Variants in TBC1D7 observed in about 807,000 individuals in gnomAD.
TBC1D7 encodes the protein TBC1 domain family member 7.
Under a neutral mutation model 35.3 loss-of-function variants are expected in TBC1D7, and 33 were observed. The ratio of observed to expected loss-of-function variants is 0.93; its 90% CI spans 0.71 to 1.25. The LOEUF is 1.25. TBC1D7 is among the 50% of genes most tolerant of loss of function. TBC1D7 has a pLI of 0.00. For missense variants in TBC1D7, 362 were observed against 365.3 expected (o/e 0.99, Z 0.07); for synonymous variants, 135 against 129.5 (o/e 1.04, Z -0.29).
Position 13,305,079 on chromosome 6 carries a change from G to T in TBC1D7, c.*22C>A, listed in dbSNP as rs368177179. 1 of 1,576,956 alleles carries T rather than the reference G, an allele frequency of 6.3e-7. No individual in the cohort carries two copies. The highest frequency in any genetic ancestry group is 1.8e-5 in the Admixed American group (1 of 55,648). On this transcript the variant is annotated 3_prime_UTR_variant, in exon 8 of 8. Transcript: ENST00000379300. ...ATGCTCACTGTGGTGCCTGGCAGAC[G>T]GTCCACAACCAGCGGGTGCGTTCAG...
At chr6:13,326,096 T>A (rs1784387266) in intron 2 of TBC1D7, among the ~76,000 whole-genome samples, 1 of 152,204 alleles carries the variant, frequency 6.6e-6, no homozygotes, top group African/African-American at 2.4e-5. Context: ...TTTACTTTAG[T>A]CAACAACAGA....
At chr6:13,315,922 G>C (rs542326695) in intron 5 of TBC1D7, among the ~76,000 whole-genome samples, 1 of 152,202 alleles carries the variant, frequency 6.6e-6, no homozygotes, top group Non-Finnish European at 1.5e-5. Context: ...TACATGCAGA[G>C]GGAAAGCCTA....
intron 5 of TBC1D7, among the ~76,000 whole-genome samples, chr6:13,310,533 G>A (rs1354809148): frequency 5.3e-5 from 8 of 151,856 alleles, no homozygotes; most frequent in Non-Finnish European, 1.5e-5. Flanking sequence ...AGCTACTTGG[G>A]AGGCTGAGGC....
chr6:13,322,046 G>C (rs1278167007), intron 3 of TBC1D7, among the ~76,000 whole-genome samples: 1 of 152,148 alleles, frequency 6.6e-6, no homozygotes, highest in Non-Finnish European at 1.5e-5. Context: ...AGACCAGCCT[G>C]GGCAACTGGG....
chr6:13,307,169 A>AGTC, intron 6 of TBC1D7: 1 of 170,834 alleles, frequency 5.9e-6, no homozygotes, highest in Admixed American at 5.6e-5. Context: ...TACATCACAA[A>AGTC]GTCTTAATGG....
chr6:13,307,869 G>A lies in TBC1D7; in HGVS notation c.520-124C>T, dbSNP rs1562156923. 2.9e-6 allele frequency: 3 copies of A among 1,042,916 alleles called. No homozygotes were observed. In the South Asian group the frequency reaches 4.9e-5, roughly 17 times the overall value. 64.6% of individuals were successfully genotyped at this position (1,042,916 alleles called of 1,614,324 possible). On this transcript the variant is annotated intron_variant, in intron 5 of 7. Transcript: ENST00000379300. Reference sequence around the variant, plus strand: ...GGAAGTATTAGAAAACAAAACTTCAGAATTATCCAAGTCACTTGTGACACA... The same window carrying A: ...GGAAGTATTAGAAAACAAAACTTCAAAATTATCCAAGTCACTTGTGACACA...
chr6:13,325,178 G>C lies in TBC1D7; in HGVS notation c.113-4C>G. ...AAAGTACAAAGTTTCTCAGTATCTA[G>C]AGGAAGAAGAAAACAATTGTTAGAA... On this transcript the variant is annotated splice_polypyrimidine_tract_variant and splice_region_variant and intron_variant, in intron 2 of 7. Coordinates refer to ENST00000379300, the MANE Select transcript of TBC1D7 (RefSeq NM_016495.6). 1 of 1,607,536 alleles carries C rather than the reference G, an allele frequency of 6.2e-7. No individual in the cohort carries two copies. The highest frequency in any genetic ancestry group is 8.5e-7 in the Non-Finnish European group (1 of 1,174,742).
At chr6:13,320,260 GA>G (rs1783934778) in intron 4 of TBC1D7, 1 of 156,784 alleles carries the variant, frequency 6.4e-6, no homozygotes, top group African/African-American at 2.4e-5. Context: ...TTGACCGTTT[GA>G]TTATTTGTGA....
intron 4 of TBC1D7, chr6:13,320,425 T>A (rs1783948072): frequency 3.0e-6 from 1 of 330,016 alleles, no homozygotes; most frequent in Admixed American, 4.7e-5. Flanking sequence ...TAATAGGGAA[T>A]CCTGTCTGCA....
chr6:13,306,685 A>C, intron 6 of TBC1D7, 158 bp from the exon 7 acceptor site: 1 of 516,656 alleles, frequency 1.9e-6, no homozygotes, highest in Non-Finnish European at 3.2e-6. Context: ...ACAACAAAAT[A>C]CAGAAGCCAT....
At chr6:13,311,811 T>C (rs1783232928) in intron 5 of TBC1D7, among the ~76,000 whole-genome samples, 1 of 151,986 alleles carries the variant, frequency 6.6e-6, no homozygotes, top group South Asian at 2.1e-4. Context: ...AGAGCAACAA[T>C]AAGAGACTTT....
chr6:13,318,746 A>T (rs1299077250), intron 4 of TBC1D7: 1 of 152,216 alleles, frequency 6.6e-6, no homozygotes, highest in East Asian at 1.9e-4. Context: ...TTAATTTCAT[A>T]CTGATATAAA....
At chr6:13,311,544 A>T (rs1375265793) in intron 5 of TBC1D7, among the ~76,000 whole-genome samples, 1 of 152,246 alleles carries the variant, frequency 6.6e-6, no homozygotes, top group African/African-American at 2.4e-5. Flanking sequence ...AGTTTAAGCA[A>T]ATCACTTGAT....
Position 13,321,007 on chromosome 6 carries a change from G to A in TBC1D7, c.282C>T (p.Val94=), listed in dbSNP as rs778201609. ...GTGTGGCATCACTAACAAAGCGAACGACTTTCAGGGCATGAAGGACATCCA... is the reference window on the plus strand; with the variant it reads ...GTGTGGCATCACTAACAAAGCGAACAACTTTCAGGGCATGAAGGACATCCA... The part of the protein sequence containing the change: ...QYLDVLHALK[V]VRFVSDATPQ... Residue 94 remains valine (V), a synonymous_variant, in exon 4 of 8, where the codon GTC becomes GTT. Transcript: ENST00000379300. 1.1e-5 allele frequency: 17 copies of A among 1,614,112 alleles called. No homozygotes were observed. Among genetic ancestry groups the A allele is most frequent in the East Asian group, 2.2e-5 (1 of 44,888 alleles).
At chr6:13,318,656 TA>T (rs1357974568) in intron 4 of TBC1D7, 1 of 152,184 alleles carries the variant, frequency 6.6e-6, no homozygotes, top group Non-Finnish European at 1.5e-5. Context: ...AGATCTGCAA[TA>T]AAAATAAATT....
intron 5 of TBC1D7, among the ~76,000 whole-genome samples, chr6:13,310,266 A>G (rs1402090834): frequency 6.6e-6 from 1 of 152,258 alleles, no homozygotes; most frequent in African/African-American, 2.4e-5. Flanking sequence ...AAGGCTGAAA[A>G]CATCCCAAAT....
intron 3 of TBC1D7, 40 bp from the exon 4 acceptor site, chr6:13,321,135 G>A (rs759670619): frequency 6.4e-7 from 1 of 1,552,068 alleles, no homozygotes; most frequent in African/African-American, 1.4e-5. Flanking sequence ...ACAAAATACT[G>A]AGCCATCACT....
In TBC1D7 at chr6:13,305,187, T is replaced by C; in HGVS notation, c.796A>G (p.Ile266Val). Residue 266 changes from isoleucine to valine, a missense_variant and splice_region_variant, in exon 8 of 8, where the codon ATT (isoleucine) becomes GTT (valine). Ile to Val is a conservative substitution (Grantham distance 29, BLOSUM62 3). Transcript: ENST00000379300. ...ATCGCGTCTGAGCTGTCCTGGGGAATCTGTGGGCAAGCAAATCAGTCTTTG... is the reference window on the plus strand; with the variant it reads ...ATCGCGTCTGAGCTGTCCTGGGGAACCTGTGGGCAAGCAAATCAGTCTTTG... ...AEKITKFLEN[I>V]PQDSSDAIVS... The C allele has an allele frequency of 1.2e-6, 2 of 1,614,164 alleles. No individual in the cohort carries two copies. Among genetic ancestry groups the C allele is most frequent in the Admixed American group, 3.3e-5 (2 of 60,022 alleles).
chr6:13,325,003 C>G (rs1784307932), intron 3 of TBC1D7, 91 bp downstream of exon 3: 1 of 984,770 alleles, frequency 1.0e-6, no homozygotes, highest in Admixed American at 2.5e-5. Context: ...AAGGCCTAAA[C>G]AAATTCTCCT....
Sources: allele counts gnomAD v4.1 joint callset (sites outside exome capture counted in the v4.1 genomes callset), GRCh38; gene constraint gnomAD v4.1.1; transcripts MANE v1.5; gene names NCBI Gene and HGNC (gene_info 2026-07-23, HGNC 2026-07-21).